The following OAS1 variants were observed in gnomAD, a reference collection of about 807,000 sequenced individuals.
OAS1 encodes 2'-5'-oligoadenylate synthetase 1, also known as 2'-5'-oligoadenylate synthase 1.
OAS1 carries 24 observed loss-of-function variants against 38.5 expected under a neutral mutation model. The ratio of observed to expected loss-of-function variants is 0.62; its 90% CI spans 0.45 to 0.88. OAS1 has a LOEUF of 0.88. Ranked by LOEUF, OAS1 falls within the 40% of genes least tolerant of loss-of-function variation. OAS1 has a pLI of 0.00. For synonymous variants in OAS1, 169 were observed against 193.9 expected, an observed-to-expected ratio of 0.87 and a Z score of 1.07; for missense variants, 482 against 493.9, an observed-to-expected ratio of 0.98 and a Z score of 0.23.
At chr12:112,932,290 TATC>T (rs1332925667), downstream of OAS1, 1 of 171,308 alleles carries the variant, frequency 5.8e-6, no homozygotes, top group African/African-American at 2.4e-5. Context: ...GGTTAATAAT[TATC>T]ATAAAAACAA....
chr12:112,911,171 T>C lies in OAS1; in HGVS notation c.590T>C (p.Phe197Ser). ...STCFTELQRD[F>S]LKQRPTKLKS... ...TGCTTCACAGAACTACAGAGAGACT[T>C]CCTGAAGCAGCGCCCCACCAAGCTC... Residue 197 changes from phenylalanine to serine, a missense_variant, in exon 3 of 6, where the codon TTC becomes TCC. Coordinates refer to ENST00000202917, the MANE Select transcript of OAS1 (RefSeq NM_016816.4). 1.2e-6 allele frequency: 2 copies of C among 1,613,792 alleles called. No individual in the cohort carries two copies. Among genetic ancestry groups the C allele is most frequent in the Admixed American group, 1.7e-5 (1 of 59,978 alleles).
chr12:112,912,455 A>T (rs993966588), intron 3 of OAS1, among the ~76,000 whole-genome samples: 12 of 152,248 alleles, frequency 7.9e-5, no homozygotes, highest in African/African-American at 2.9e-4. Context: ...ATGAATGAAA[A>T]TAATCAGGAA....
At chr12:112,913,498 CTCTA>C (rs1487709686) in intron 3 of OAS1, among the ~76,000 whole-genome samples, 1 of 152,106 alleles carries the variant, frequency 6.6e-6, no homozygotes, top group Non-Finnish European at 1.5e-5. Flanking sequence ...TTAGACCCTG[CTCTA>C]TCTTTCATAT....
At chr12:112,929,520 C>T (rs1859335) in intron 6 of OAS1, among the ~76,000 whole-genome samples, 113,044 of 152,018 alleles carry the variant, frequency 0.74, 43,321 homozygotes, top group African/African-American at 0.94. Context: ...GTTACCTACA[C>T]AAGAGCCTCA....
intron 6 of OAS1, among the ~76,000 whole-genome samples, chr12:112,927,108 G>A (rs2043564410): frequency 6.6e-6 from 1 of 152,054 alleles, no homozygotes; most frequent in Non-Finnish European, 1.5e-5. Context: ...ATTTCATATT[G>A]TTCAAACACA....
Position 112,916,702 on chromosome 12 carries a change from T to C in OAS1, c.848T>C (p.Ile283Thr), listed in dbSNP as rs2043464712. Residue 283 changes from isoleucine (I) to threonine (T), a missense_variant, in exon 4 of 6, where the codon ATT (isoleucine) becomes ACT (threonine). Coordinates refer to ENST00000202917, the MANE Select transcript of OAS1 (RefSeq NM_016816.4). ...TATTATGACTTTAAAAACCCCATTA[T>C]TGAAAAGTACCTGAGAAGGCAGCTC... ...TKYYDFKNPIIEKYLRRQLTK... is the reference protein window; with the variant it reads ...TKYYDFKNPITEKYLRRQLTK... 1 of 1,614,012 alleles carries C rather than the reference T, an allele frequency of 6.2e-7. No homozygotes were observed.
chr12:112,917,937 C>A, intron 5 of OAS1: 2 of 1,430,208 alleles, frequency 1.4e-6, no homozygotes. Context: ...AATAAATAAT[C>A]TCTAACACCA....
At chr12:112,912,640 T>A (rs967529060) in intron 3 of OAS1, among the ~76,000 whole-genome samples, 2 of 152,168 alleles carry the variant, frequency 1.3e-5, no homozygotes, top group Non-Finnish European at 2.9e-5. Flanking sequence ...ATATTGAAAA[T>A]TAATGAGGGT....
intron 1 of OAS1, among the ~76,000 whole-genome samples, chr12:112,907,972 C>A (rs934574789): frequency 2.1e-4 from 32 of 152,314 alleles, no homozygotes; most frequent in African/African-American, 7.5e-4. Context: ...ACTTCCCTTA[C>A]CTTATGCAGC....
At chr12:112,909,098 T>C in intron 2 of OAS1, 2 of 420,524 alleles carry the variant, frequency 4.8e-6, no homozygotes, top group Non-Finnish European at 4.2e-6. Flanking sequence ...GAATTTTATC[T>C]TTCTAAAATC....
chr12:112,914,779 G>C (rs2043433513), intron 3 of OAS1, among the ~76,000 whole-genome samples: 4 of 129,422 alleles, frequency 3.1e-5, no homozygotes, highest in Non-Finnish European at 4.8e-5. Flanking sequence ...TAGGGTACAT[G>C]TGCACAATGT....
rs201146730 is a variant in OAS1, at chr12:112,917,880, T to C, written c.1038+180T>C. 150 of 1,480,866 alleles carry C rather than the reference T, an allele frequency of 1.0e-4. 1 individual carries two copies. The East Asian group carries it at 2.9e-3, about 28-fold the overall frequency. The allele number at this position is 1,480,866 out of a possible 1,614,324, so 91.7% of individuals were successfully genotyped here. On this transcript the variant is annotated intron_variant, in intron 5 of 5. Coordinates refer to ENST00000202917, the MANE Select transcript of OAS1 (RefSeq NM_016816.4). ...CATTTTGGTCACAATCGAGGGTTTC[T>C]GGAATTTTCACATCCCTTGTCCAGA...
At chr12:112,913,859 T>C (rs2043418008) in intron 3 of OAS1, among the ~76,000 whole-genome samples, 1 of 152,244 alleles carries the variant, frequency 6.6e-6, no homozygotes, top group African/African-American at 2.4e-5. Context: ...CAGATTCATG[T>C]GTATACATAT....
In OAS1 at chr12:112,908,899, G is replaced by C. The variant is rs2043339156; in HGVS notation, c.469+75G>C. ...ATCTCCCACAGTTTGAGAGCTTTTT[G>C]CCCCAACAGGGCATCTCTCTAAAGC... is the stretch of plus-strand genomic sequence containing the variant. On this transcript the variant is annotated intron_variant, in intron 2 of 5. Transcript: ENST00000202917. 5 of 1,484,580 alleles carry C rather than the reference G, an allele frequency of 3.4e-6. No individual in the cohort carries two copies. The East Asian group carries it at 1.1e-4, about 34-fold the overall frequency. The allele number at this position is 1,484,580 out of a possible 1,614,324, so 92.0% of individuals were successfully genotyped here.
chr12:112,919,485 A>G lies in OAS1; in HGVS notation c.1135A>G (p.Arg379Gly). 6.2e-7 allele frequency: 1 copy of G among 1,614,220 alleles called. No homozygotes were observed. The highest frequency in any genetic ancestry group is 8.5e-7 in the Non-Finnish European group (1 of 1,180,042). ...GTHEYPHFSH[R>G]PSTLQAASTP... is the part of the protein sequence containing the mutation. ...ACATGAGTACCCTCATTTCTCTCAT[A>G]GACCCAGCACACTCCAGGCAGCATC... Residue 379 changes from arginine to glycine, a missense_variant, in exon 6 of 6, where the codon AGA becomes GGA. Arg to Gly is a moderately radical substitution (Grantham distance 125, BLOSUM62 -2). Transcript: ENST00000202917.
chr12:112,908,987 CAGG>C (rs2043340439), intron 2 of OAS1, 163 bp downstream of exon 2: 1 of 652,674 alleles, frequency 1.5e-6, no homozygotes, highest in Non-Finnish European at 2.4e-6. Context: ...TGATCTATCA[CAGG>C]AGAGACATTA....
Position 112,908,571 on chromosome 12 carries a change from C to G in OAS1, c.216C>G (p.Gly72=). ...CAGGCAAGGGCACCACCCTCAGAGG[C>G]CGATCTGACGCTGACCTGGTTGTCT... is the stretch of plus-strand genomic sequence containing the variant. ...GSSGKGTTLR[G]RSDADLVVFL... is the part of the protein sequence containing the mutation. Residue 72 remains glycine, a synonymous_variant, in exon 2 of 6, where the codon GGC becomes GGG. Coordinates refer to ENST00000202917, the MANE Select transcript of OAS1 (RefSeq NM_016816.4). 6.2e-7 allele frequency: 1 copy of G among 1,614,134 alleles called. No individual in the cohort carries two copies. The highest frequency in any genetic ancestry group is 8.5e-7 in the Non-Finnish European group (1 of 1,179,974).
downstream of OAS1, among the ~76,000 whole-genome samples, chr12:112,920,170 C>T (rs2043520671): frequency 6.6e-6 from 1 of 152,198 alleles, no homozygotes; most frequent in South Asian, 2.1e-4. Flanking sequence ...TTGTGCAAAA[C>T]ATCTTAATGT....
At position 112,916,582 on chromosome 12, in the gene OAS1, G is replaced by A; in HGVS notation, c.728G>A (p.Gly243Glu). The change falls in exon 4 of 6, where the codon GGG becomes GAG. Residue 243 changes from glycine (G) to glutamate (E), a missense_variant. Transcript: ENST00000202917. Reference sequence around the variant, plus strand: ...CTGACGGTCTATGCTTGGGAGCGAGGGAGCATGAAAACACATTTCAACACA... The same window carrying A: ...CTGACGGTCTATGCTTGGGAGCGAGAGAGCATGAAAACACATTTCAACACA... ...ELLTVYAWER[G>E]SMKTHFNTAQ... 6.2e-7 allele frequency: 1 copy of A among 1,614,084 alleles called. No individual in the cohort carries two copies. The highest frequency in any genetic ancestry group is 8.5e-7 in the Non-Finnish European group (1 of 1,180,032).
Sources: allele counts gnomAD v4.1 joint callset (sites outside exome capture counted in the v4.1 genomes callset), GRCh38; gene constraint gnomAD v4.1.1; transcripts MANE v1.5; gene names NCBI Gene and HGNC (gene_info 2026-07-23, HGNC 2026-07-21).